Variants in SLC30A8 observed in about 807,000 individuals in gnomAD.
SLC30A8 encodes proton-coupled zinc antiporter SLC30A8.
In SLC30A8, 27 loss-of-function variants were observed where a neutral mutation model predicts 36.9. That is an observed-to-expected ratio of 0.73 (90% CI 0.54 to 1.01). SLC30A8 has a LOEUF of 1.01. Ranked by LOEUF, SLC30A8 falls within the 50% of genes least tolerant of loss-of-function variation. The probability of loss-of-function intolerance (pLI) is 0.00; values close to 1 mark genes in which losing one functional copy is unlikely to be tolerated. For missense variants in SLC30A8, 439 were observed against 452.0 expected (o/e 0.97, Z 0.26); for synonymous variants, 164 against 172.4 (o/e 0.95, Z 0.38).
At chr8:116,952,909 G>T (rs1430211035) in intron 1 of SLC30A8, among the ~76,000 whole-genome samples, 1 of 151,084 alleles carries the variant, frequency 6.6e-6, no homozygotes, top group Non-Finnish European at 1.5e-5. Flanking sequence ...GGGTATATGT[G>T]CAGATTCTTT....
At chr8:116,953,886 T>G (rs898926354) in intron 1 of SLC30A8, among the ~76,000 whole-genome samples, 1 of 152,144 alleles carries the variant, frequency 6.6e-6, no homozygotes, top group African/African-American at 2.4e-5. Flanking sequence ...ATTCATGAGA[T>G]TTAAGTAGAG....
At chr8:117,055,131 C>T (rs568586777) in intron 2 of SLC30A8, among the ~76,000 whole-genome samples, 9 of 152,244 alleles carry the variant, frequency 5.9e-5, no homozygotes, top group South Asian at 2.1e-4. Context: ...CTTGAAAGTG[C>T]GGGGTTACCA....
chr8:117,023,103 G>A (rs1816756567), intron 1 of SLC30A8, among the ~76,000 whole-genome samples: 1 of 152,158 alleles, frequency 6.6e-6, no homozygotes, highest in African/African-American at 2.4e-5. Context: ...CATTTATGCA[G>A]CCAAAAGACA....
intron 2 of SLC30A8, among the ~76,000 whole-genome samples, chr8:117,075,023 G>C (rs781570160): frequency 7.2e-5 from 11 of 152,066 alleles, no homozygotes; most frequent in Non-Finnish European, 8.8e-5. Flanking sequence ...AGTCAATACT[G>C]TCTAACCAGC....
At chr8:117,076,841 TTGAC>T (rs1161331936) in intron 2 of SLC30A8, among the ~76,000 whole-genome samples, 2 of 152,106 alleles carry the variant, frequency 1.3e-5, no homozygotes, top group Non-Finnish European at 2.9e-5. Context: ...TGTTGACTGA[TTGAC>T]TGATGAACTA....
intron 2 of SLC30A8, among the ~76,000 whole-genome samples, chr8:117,056,617 C>A (rs1349547030): frequency 6.6e-6 from 1 of 152,068 alleles, no homozygotes; most frequent in Non-Finnish European, 1.5e-5. Context: ...AGAAGGGGGA[C>A]CAGAGAAGTC....
intron 1 of SLC30A8, among the ~76,000 whole-genome samples, chr8:117,003,328 T>C (rs866186021): frequency 1.6e-4 from 25 of 152,334 alleles, no homozygotes; most frequent in Non-Finnish European, 3.1e-4. Flanking sequence ...GTAGGTAAAG[T>C]GAGAAAGGTA....
intron 1 of SLC30A8, among the ~76,000 whole-genome samples, chr8:116,981,315 C>A (rs1483804202): frequency 6.6e-6 from 1 of 152,172 alleles, no homozygotes; most frequent in Non-Finnish European, 1.5e-5. Context: ...TCAGAACTCA[C>A]AAAGCATCCC....
At chr8:116,985,214 G>A (rs985491707) in intron 1 of SLC30A8, among the ~76,000 whole-genome samples, 4 of 151,258 alleles carry the variant, frequency 2.6e-5, no homozygotes, top group African/African-American at 4.9e-5. Context: ...ATTTCCTGGG[G>A]TAGCTACTAT....
intron 3 of SLC30A8, among the ~76,000 whole-genome samples, chr8:117,156,045 T>C (rs954021632): frequency 3.1e-5 from 3 of 98,132 alleles, no homozygotes; most frequent in Middle Eastern, 5.5e-3. Context: ...AGATTAGTAC[T>C]TTTTTTTTTT....
At chr8:117,166,861 A>AGT (rs1182823189) in intron 6 of SLC30A8, among the ~76,000 whole-genome samples, 1 of 135,468 alleles carries the variant, frequency 7.4e-6, no homozygotes, top group Non-Finnish European at 1.5e-5. Flanking sequence ...ACACTTCGTT[A>AGT]GTGTTCACTG....
At chr8:116,953,258 T>C (rs1814060714) in intron 1 of SLC30A8, among the ~76,000 whole-genome samples, 1 of 152,216 alleles carries the variant, frequency 6.6e-6, no homozygotes, top group Non-Finnish European at 1.5e-5. Flanking sequence ...CACATTTTTT[T>C]TCAATCTAAT....
intron 1 of SLC30A8, among the ~76,000 whole-genome samples, chr8:116,997,213 T>C (rs975149441): frequency 2.0e-5 from 3 of 152,140 alleles, no homozygotes; most frequent in Non-Finnish European, 4.4e-5. Context: ...ATCTAGGGGC[T>C]AATGGGTTAC....
intron 2 of SLC30A8, among the ~76,000 whole-genome samples, chr8:117,120,089 A>G (rs1353613952): frequency 1.3e-5 from 2 of 152,010 alleles, no homozygotes; most frequent in African/African-American, 2.4e-5. Flanking sequence ...CAAAATTACA[A>G]TGGCATTTTT....
chr8:117,126,146 A>T (rs1820896031), intron 2 of SLC30A8, among the ~76,000 whole-genome samples: 1 of 151,988 alleles, frequency 6.6e-6, no homozygotes, highest in African/African-American at 2.4e-5. Flanking sequence ...ACGTCCAATC[A>T]AGTGTAGCTT....
At chr8:116,969,490 C>T (rs1053144397) in intron 1 of SLC30A8, among the ~76,000 whole-genome samples, 4 of 152,220 alleles carry the variant, frequency 2.6e-5, no homozygotes, top group East Asian at 1.9e-4. Flanking sequence ...GAAGTAACTT[C>T]GTATGTATTT....
intron 2 of SLC30A8, among the ~76,000 whole-genome samples, chr8:117,050,596 G>A (rs958393092): frequency 1.3e-5 from 2 of 152,084 alleles, no homozygotes; most frequent in East Asian, 3.9e-4. Context: ...AGTAGAGACG[G>A]GTTTCACCAT....
chr8:117,109,261 T>G (rs997592760), intron 2 of SLC30A8, among the ~76,000 whole-genome samples: 2 of 152,244 alleles, frequency 1.3e-5, no homozygotes, highest in East Asian at 3.9e-4. Flanking sequence ...CATTATTCTT[T>G]GAAGGAAAGT....
intron 2 of SLC30A8, among the ~76,000 whole-genome samples, chr8:117,045,308 C>T (rs1161221979): frequency 6.6e-6 from 1 of 152,124 alleles, no homozygotes; most frequent in African/African-American, 2.4e-5. Flanking sequence ...CATCTTTCTC[C>T]TCACCAGGCT....
Sources: allele counts gnomAD v4.1 joint callset (sites outside exome capture counted in the v4.1 genomes callset), GRCh38; gene constraint gnomAD v4.1.1; transcripts MANE v1.5; gene names NCBI Gene and HGNC (gene_info 2026-07-23, HGNC 2026-07-21).